USP40: variants seen among roughly 807,000 people sequenced by gnomAD.
USP40 encodes ubiquitin carboxyl-terminal hydrolase 40.
USP40 carries 143 observed loss-of-function variants against 166.2 expected under a neutral mutation model. That is an observed-to-expected ratio of 0.86 (90% CI 0.75 to 0.99). USP40 has a LOEUF of 0.99. Among genes scored for constraint, USP40 ranks in the 50% least tolerant of loss-of-function variants. The pLI is 0.00. For synonymous variants in USP40, 498 were observed against 524.0 expected (o/e 0.95, Z 0.68); for missense variants, 1,444 against 1,479.7 (o/e 0.98, Z 0.40).
chr2:233,487,900 G>A (rs1216988073), intron 28 of USP40: 2 of 545,146 alleles, frequency 3.7e-6, no homozygotes, highest in Non-Finnish European at 7.2e-6. Context: ...CAGAGCGACG[G>A]GAGCAATGAT....
At chr2:233,509,929 G>T in intron 21 of USP40, 120 bp downstream of exon 21, 1 of 673,482 alleles carries the variant, frequency 1.5e-6, no homozygotes, top group Non-Finnish European at 2.6e-6. Flanking sequence ...ATAATTCTCT[G>T]AAGTACACCA....
chr2:233,515,885 A>C (rs185610940), intron 18 of USP40, among the ~76,000 whole-genome samples: 191 of 152,320 alleles, frequency 1.3e-3, no homozygotes, highest in African/African-American at 4.2e-3. Context: ...CTTGAGGTTC[A>C]TTTCTGCACA....
Position 233,505,210 on chromosome 2 carries a change from T to A in USP40, c.2613+4839A>T, listed in dbSNP as rs115823212. On this transcript the variant is annotated intron_variant, in intron 21 of 31. Coordinates refer to ENST00000678225, the MANE Select transcript of USP40 (RefSeq NM_001365479.2). ...GCAAAAACAGTTCTAAGAGGGAAGT[T>A]CACAGCAATAGATGCCTAGATCAAA... Among the ~76,000 whole-genome samples, 1,006 of 152,144 alleles carry A rather than the reference T, an allele frequency of 6.6e-3. 19 individuals carry two copies. The highest frequency in any genetic ancestry group is 0.033 in the Admixed American group (506 of 15,284).
chr2:233,507,221 G>C (rs190291659), intron 21 of USP40, among the ~76,000 whole-genome samples: 6 of 152,262 alleles, frequency 3.9e-5, no homozygotes, highest in Admixed American at 3.9e-4. Context: ...TGCACTGTCG[G>C]TGAGACTGTA....
intron 17 of USP40, among the ~76,000 whole-genome samples, chr2:233,520,175 C>T (rs2067553956): frequency 6.6e-6 from 1 of 152,106 alleles, no homozygotes; most frequent in Non-Finnish European, 1.5e-5. Context: ...AACCTAATTT[C>T]CTCTAGGATA....
intron 18 of USP40, among the ~76,000 whole-genome samples, chr2:233,515,888 T>C (rs1377251141): frequency 6.6e-6 from 1 of 152,246 alleles, no homozygotes; most frequent in Non-Finnish European, 1.5e-5. Flanking sequence ...GAGGTTCATT[T>C]CTGCACATAC....
At chr2:233,556,115 C>CA (rs774757577) in intron 5 of USP40, among the ~76,000 whole-genome samples, 142 of 92,446 alleles carry the variant, frequency 1.5e-3, no homozygotes, top group Middle Eastern at 6.3e-3. Flanking sequence ...GACTCCATCT[C>CA]AAAAAAAAAA....
At chr2:233,517,453 C>T (rs1337739106) in intron 18 of USP40, among the ~76,000 whole-genome samples, 15 of 147,648 alleles carry the variant, frequency 1.0e-4, no homozygotes, top group Middle Eastern at 7.2e-3. Context: ...GGCGCGATCT[C>T]GGCTCACTAC....
intron 28 of USP40, 169 bp downstream of exon 28, chr2:233,488,070 T>C: frequency 1.4e-6 from 1 of 727,518 alleles, no homozygotes; most frequent in East Asian, 2.7e-5. Flanking sequence ...TCCCAAGTTT[T>C]AGATGCCCAG....
intron 30 of USP40, among the ~76,000 whole-genome samples, chr2:233,484,656 A>G (rs1336654626): frequency 6.6e-6 from 1 of 151,270 alleles, no homozygotes; most frequent in Non-Finnish European, 1.5e-5. Flanking sequence ...TAATTTTTGT[A>G]TTTTTTTGTA....
intron 18 of USP40, among the ~76,000 whole-genome samples, chr2:233,516,491 A>G (rs970080841): frequency 1.3e-5 from 2 of 152,102 alleles, no homozygotes; most frequent in African/African-American, 4.8e-5. Context: ...AGGTCAGCAG[A>G]TCAAGACCAT....
At chr2:233,490,202 C>CA (rs34205465) in intron 26 of USP40, among the ~76,000 whole-genome samples, 893 of 84,486 alleles carry the variant, frequency 0.011, 22 homozygotes, top group East Asian at 0.1. Context: ...CTCACTCTGT[C>CA]ACCCAGCCTG....
chr2:233,517,379 G>GTTT lies in USP40; in HGVS notation c.2383+2232_2383+2234dup, dbSNP rs202226925. On this transcript the variant is annotated intron_variant, in intron 18 of 31. Transcript: ENST00000678225. ...CAAAAAAGATACTTGCACATGCATG[G>GTTT]TTTTTTGTTTTTTTTTTTTTTTTGA... Among the ~76,000 whole-genome samples, 99 of 137,172 alleles carry GTTT rather than the reference G, an allele frequency of 7.2e-4. 5 individuals carry two copies. The highest frequency in any genetic ancestry group is 1.8e-3 in the African/African-American group (65 of 35,688). The allele number at this position is 137,172 out of a possible 152,430, so 90.0% of individuals were successfully genotyped here.
chr2:233,531,654 T>C (rs545532463), intron 11 of USP40, among the ~76,000 whole-genome samples: 1 of 152,334 alleles, frequency 6.6e-6, no homozygotes, highest in East Asian at 1.9e-4. Flanking sequence ...AACAGCATAG[T>C]TATGTAACTG....
chr2:233,490,614 G>A (rs1280780095), intron 26 of USP40, among the ~76,000 whole-genome samples: 1 of 152,170 alleles, frequency 6.6e-6, no homozygotes, highest in Non-Finnish European at 1.5e-5. Context: ...CCAACAGTAG[G>A]CGGATGCTGC....
intron 13 of USP40, among the ~76,000 whole-genome samples, chr2:233,526,761 C>T (rs893890962): frequency 2.0e-5 from 3 of 152,080 alleles, no homozygotes; most frequent in African/African-American, 7.2e-5. Flanking sequence ...GATTTAGGAC[C>T]ACAGGCAAGA....
Position 233,477,831 on chromosome 2 carries a change from G to GCA in USP40, c.3600-330_3600-329dup, listed in dbSNP as rs2064269748. On this transcript the variant is annotated intron_variant, in intron 31 of 31. Coordinates refer to ENST00000678225, the MANE Select transcript of USP40 (RefSeq NM_001365479.2). Reference sequence around the variant, plus strand: ...TAAACGGAAGAATAACATCCGGAGTGCACACACACCGCTGCACGACTCGTC... The same window carrying GCA: ...TAAACGGAAGAATAACATCCGGAGTGCACACACACACCGCTGCACGACTCGTC... Among the ~76,000 whole-genome samples the GCA allele has an allele frequency of 4.6e-5, 7 of 152,346 alleles. No homozygotes were observed. The South Asian group carries it at 1.4e-3, about 32-fold the overall frequency.
chr2:233,482,809 C>T (rs1365191747), intron 30 of USP40, among the ~76,000 whole-genome samples: 1 of 152,104 alleles, frequency 6.6e-6, no homozygotes, highest in African/African-American at 2.4e-5. Flanking sequence ...GTTGGGATTA[C>T]AGGCGTGAGC....
chr2:233,527,878 C>T (rs968263582), intron 12 of USP40, among the ~76,000 whole-genome samples: 3 of 151,874 alleles, frequency 2.0e-5, no homozygotes, highest in African/African-American at 7.3e-5. Flanking sequence ...TAGTTATGAA[C>T]AAAATGCTAG....
Sources: allele counts gnomAD v4.1 joint callset (sites outside exome capture counted in the v4.1 genomes callset), GRCh38; gene constraint gnomAD v4.1.1; transcripts MANE v1.5; gene names NCBI Gene and HGNC (gene_info 2026-07-23, HGNC 2026-07-21).